Variants in TAOK3 observed in about 807,000 individuals in gnomAD.
The protein encoded by TAOK3 is serine/threonine-protein kinase TAO3.
A neutral mutation model predicts 120.4 loss-of-function variants in TAOK3; 40 were observed. The observed-to-expected ratio is 0.33, with a 90% CI of 0.26 to 0.43. TAOK3 has a LOEUF of 0.43. Among genes scored for constraint, TAOK3 ranks in the 20% least tolerant of loss-of-function variants. The probability of loss-of-function intolerance (pLI) is 1.00; values close to 1 mark genes in which losing one functional copy is unlikely to be tolerated. For missense variants in TAOK3, 821 were observed against 1,112.1 expected (o/e 0.74, Z 3.72); for synonymous variants, 355 against 387.5 (o/e 0.92, Z 0.99).
chr12:118,156,893 C>T (rs938166427), intron 19 of TAOK3, among the ~76,000 whole-genome samples: 7 of 152,036 alleles, frequency 4.6e-5, no homozygotes, highest in African/African-American at 1.7e-4. Flanking sequence ...GTGTGTGCCA[C>T]CAAGCCCAAC....
intron 1 of TAOK3, among the ~76,000 whole-genome samples, chr12:118,324,190 G>A (rs541985598): frequency 2.0e-5 from 3 of 152,170 alleles, no homozygotes; most frequent in South Asian, 2.1e-4. Context: ...TTAGAAATAC[G>A]GAGAAAAAAA....
At chr12:118,250,123 TA>T (rs1458850511) in intron 3 of TAOK3, among the ~76,000 whole-genome samples, 1 of 152,116 alleles carries the variant, frequency 6.6e-6, no homozygotes, top group African/African-American at 2.4e-5. Flanking sequence ...ATTTATTCTT[TA>T]TTTTTTTAAT....
chr12:118,185,940 G>C (rs2037047284), intron 14 of TAOK3, among the ~76,000 whole-genome samples: 1 of 152,146 alleles, frequency 6.6e-6, no homozygotes, highest in African/African-American at 2.4e-5. Flanking sequence ...AGCATCCTCT[G>C]GTATACTGTC....
rs760730356 is a variant in TAOK3, at chr12:118,238,123, A to T, written c.387T>A (p.His129Gln). The change falls in exon 7 of 21, where the codon CAT becomes CAA. Residue 129 changes from histidine to glutamine, a missense_variant. By Grantham distance (24) the His-to-Gln change is conservative (BLOSUM62 0). Around this residue, in one of 2 missense-constraint regions of TAOK3, gnomAD observed 467 missense variants for 540.0 expected, o/e 0.86. Coordinates refer to ENST00000392533, the MANE Select transcript of TAOK3 (RefSeq NM_016281.4). ...LQEVEIAAIT[H>Q]GALHGLAYLH... ...GGTAGGCTAGTCCATGCAAGGCTCC[A>T]TGAGTAATGGCAGCGATCTCCACTT... is the stretch of plus-strand genomic sequence containing the variant. The T allele has an allele frequency of 6.2e-7, 1 of 1,612,822 alleles. No individual in the cohort carries two copies. The highest frequency in any genetic ancestry group is 2.2e-5 in the East Asian group (1 of 44,854).
At chr12:118,295,492 C>G (rs1218100348) in intron 1 of TAOK3, 2 of 152,166 alleles carry the variant, frequency 1.3e-5, no homozygotes, top group African/African-American at 2.4e-5. Flanking sequence ...TCTCTTTCCT[C>G]TCTTTATTTA....
At chr12:118,274,241 C>A (rs1049708297) in intron 1 of TAOK3, among the ~76,000 whole-genome samples, 1 of 152,120 alleles carries the variant, frequency 6.6e-6, no homozygotes, top group African/African-American at 2.4e-5. Flanking sequence ...GGTACTTTCA[C>A]GTTGAAAATG....
chr12:118,228,674 T>C (rs1341519388), intron 9 of TAOK3, among the ~76,000 whole-genome samples: 2 of 152,228 alleles, frequency 1.3e-5, no homozygotes, highest in African/African-American at 4.8e-5. Flanking sequence ...TTAGGCTAGT[T>C]CTACCTTTTC....
chr12:118,356,721 T>TTGCTGTG (rs2045409773), intron 1 of TAOK3, among the ~76,000 whole-genome samples: 1 of 151,818 alleles, frequency 6.6e-6, no homozygotes, highest in Non-Finnish European at 1.5e-5. Context: ...GAGACCAACC[T>TTGCTGTG]AGGCAACACA....
intron 1 of TAOK3, among the ~76,000 whole-genome samples, chr12:118,325,441 T>C (rs948612662): frequency 3.0e-4 from 46 of 152,246 alleles, no homozygotes; most frequent in African/African-American, 9.9e-4. Flanking sequence ...TAATATCTCA[T>C]TGTAGTTTTG....
At chr12:118,353,122 T>C (rs2045247483) in intron 1 of TAOK3, among the ~76,000 whole-genome samples, 1 of 152,216 alleles carries the variant, frequency 6.6e-6, no homozygotes, top group Non-Finnish European at 1.5e-5. Context: ...CTAAAAGATA[T>C]GGTGTTTGTA....
At chr12:118,285,804 A>G (rs1016371679) in intron 1 of TAOK3, among the ~76,000 whole-genome samples, 7 of 152,196 alleles carry the variant, frequency 4.6e-5, no homozygotes, top group African/African-American at 1.7e-4. Flanking sequence ...ACATGTGCCC[A>G]AGGTGGTCAG....
intron 1 of TAOK3, among the ~76,000 whole-genome samples, chr12:118,323,976 C>A: frequency 6.6e-6 from 1 of 152,038 alleles, no homozygotes; most frequent in South Asian, 2.1e-4. Flanking sequence ...AAATGCTATA[C>A]GAAGGAAGTA....
At chr12:118,354,057 C>G (rs920089224) in intron 1 of TAOK3, among the ~76,000 whole-genome samples, 7 of 152,148 alleles carry the variant, frequency 4.6e-5, no homozygotes, top group African/African-American at 1.7e-4. Context: ...ACCCTAGAGT[C>G]TCAGATTGTG....
At chr12:118,261,183 G>A (rs2041212642) in intron 2 of TAOK3, among the ~76,000 whole-genome samples, 3 of 152,234 alleles carry the variant, frequency 2.0e-5, no homozygotes, top group African/African-American at 7.2e-5. Context: ...GTGAGCTGTG[G>A]AACATCTTCA....
intron 1 of TAOK3, among the ~76,000 whole-genome samples, chr12:118,328,537 T>C (rs2044022126): frequency 2.6e-5 from 4 of 152,184 alleles, no homozygotes; most frequent in South Asian, 4.1e-4. Flanking sequence ...GAACATAATC[T>C]TACTGTTCTC....
chr12:118,263,672 A>G (rs1356898197), intron 2 of TAOK3, among the ~76,000 whole-genome samples: 1 of 152,198 alleles, frequency 6.6e-6, no homozygotes, highest in Non-Finnish European at 1.5e-5. Context: ...AATTTTTTTA[A>G]TGGACAAAAG....
chr12:118,346,957 T>A (rs1429108574), intron 1 of TAOK3, among the ~76,000 whole-genome samples: 1 of 152,214 alleles, frequency 6.6e-6, no homozygotes, highest in Non-Finnish European at 1.5e-5. Flanking sequence ...GTCTTCCTCC[T>A]TCAGTTTTCC....
chr12:118,212,959 C>T lies in TAOK3; in HGVS notation c.774G>A (p.Leu258=), dbSNP rs147202627. 364 of 1,612,800 alleles carry T rather than the reference C, an allele frequency of 2.3e-4. 1 individual carries two copies. In the African/African-American group the frequency reaches 4.1e-3, roughly 18 times the overall value. Residue 258 remains leucine, a synonymous_variant, in exon 11 of 21, where the codon TTG becomes TTA. Coordinates refer to ENST00000392533, the MANE Select transcript of TAOK3 (RefSeq NM_016281.4). ...TTGGCCTTTCCTGAGGTATTTTCTGCAAGCAGTAATCAACAAATCTCCTAA... is the reference window on the plus strand; with the variant it reads ...TTGGCCTTTCCTGAGGTATTTTCTGTAAGCAGTAATCAACAAATCTCCTAA... ...DSFRRFVDYC[L]QKIPQERPTS...
intron 1 of TAOK3, among the ~76,000 whole-genome samples, chr12:118,349,913 C>T (rs118182369): frequency 2.0e-5 from 3 of 152,186 alleles, no homozygotes; most frequent in East Asian, 1.9e-4. Flanking sequence ...TTAACTGTGG[C>T]GTCTTTAGGA....
Sources: gnomAD v4.1 joint callset for allele counts (sites outside exome capture counted in the v4.1 genomes callset) on GRCh38, gnomAD v4.1.1 for gene constraint, gnomAD v4.1.1 regional missense constraint, MANE v1.5 for transcripts, NCBI Gene and HGNC (gene_info 2026-07-23, HGNC 2026-07-21) for gene names.